The following TENM3 variants were observed in gnomAD, a reference collection of about 807,000 sequenced individuals.
TENM3 encodes the protein teneurin-3.
Under a neutral mutation model 255.1 loss-of-function variants are expected in TENM3, and 63 were observed. The observed-to-expected ratio is 0.25, with a 90% CI of 0.20 to 0.30. The LOEUF is 0.30. Ranked by LOEUF, TENM3 falls within the 10% of genes least tolerant of loss-of-function variation. The pLI is 1.00. For synonymous variants in TENM3, 1,306 were observed against 1,322.3 expected (o/e 0.99, Z 0.27); for missense variants, 2,929 against 3,461.1 (o/e 0.85, Z 3.86).
At chr4:182,339,628 G>A (rs756643385) in intron 2 of TENM3, among the ~76,000 whole-genome samples, 2 of 152,112 alleles carry the variant, frequency 1.3e-5, no homozygotes, top group Non-Finnish European at 2.9e-5. Flanking sequence ...GATGTGTTGA[G>A]CCCCAGCTTA....
the TENM3 span, among the ~76,000 whole-genome samples, chr4:181,619,059 G>A: frequency 5.6e-4 from 86 of 152,278 alleles, no homozygotes; most frequent in African/African-American, 1.9e-3. Context: ...CCAATGGGAG[G>A]CCAGCAGAGA....
the TENM3 span, among the ~76,000 whole-genome samples, chr4:182,082,490 C>A: frequency 6.6e-6 from 1 of 152,192 alleles, no homozygotes; most frequent in Admixed American, 6.5e-5. Flanking sequence ...AACACACATA[C>A]AATATTGAAA....
At chr4:181,508,750 G>T in the TENM3 span, among the ~76,000 whole-genome samples, 1 of 151,956 alleles carries the variant, frequency 6.6e-6, no homozygotes, top group Non-Finnish European at 1.5e-5. Flanking sequence ...AATGTAGCTT[G>T]GTCTATTTTC....
chr4:182,386,696 C>T (rs1057382901), intron 3 of TENM3, among the ~76,000 whole-genome samples: 2 of 152,230 alleles, frequency 1.3e-5, no homozygotes, highest in African/African-American at 4.8e-5. Flanking sequence ...AGCACCCAGG[C>T]CAGCGGCTGC....
chr4:181,716,525 T>A, the TENM3 span, among the ~76,000 whole-genome samples: 3 of 152,160 alleles, frequency 2.0e-5, no homozygotes, highest in African/African-American at 7.2e-5. Context: ...TAGTTGCACG[T>A]AAATAAGACT....
intron 1 of TENM3, among the ~76,000 whole-genome samples, chr4:182,167,421 A>C (rs1751793350): frequency 6.6e-6 from 1 of 152,214 alleles, no homozygotes; most frequent in Admixed American, 6.5e-5. Context: ...TACATATGAA[A>C]TGCCTTGCTT....
the TENM3 span, among the ~76,000 whole-genome samples, chr4:181,725,961 T>G: frequency 6.6e-6 from 1 of 152,134 alleles, no homozygotes; most frequent in African/African-American, 2.4e-5. Context: ...TATCTTTGCC[T>G]GCCGTTCAAA....
the TENM3 span, among the ~76,000 whole-genome samples, chr4:181,709,239 A>ACCTGCTACAGGTATTGTTTTG: frequency 1.3e-5 from 2 of 152,158 alleles, no homozygotes; most frequent in South Asian, 2.1e-4. Flanking sequence ...GTATTGTTTT[A>ACCTGCTACAGGTATTGTTTTG]CCTGCTACAG....
intron 1 of TENM3, among the ~76,000 whole-genome samples, chr4:182,214,810 A>T (rs567953764): frequency 6.6e-6 from 1 of 152,370 alleles, no homozygotes; most frequent in East Asian, 1.9e-4. Context: ...TCTTAACATC[A>T]TAATGCTTAT....
the TENM3 span, among the ~76,000 whole-genome samples, chr4:181,719,063 G>A: frequency 5.3e-5 from 8 of 151,074 alleles, no homozygotes; most frequent in Admixed American, 1.3e-4. Flanking sequence ...AAAATTAGCC[G>A]GGCGCGGTGG....
chr4:181,842,184 A>G, the TENM3 span, among the ~76,000 whole-genome samples: 1 of 152,344 alleles, frequency 6.6e-6, no homozygotes, highest in South Asian at 2.1e-4. Flanking sequence ...CAAATAATAG[A>G]TAAGACGCTT....
chr4:181,883,538 G>A, the TENM3 span, among the ~76,000 whole-genome samples: 2 of 152,104 alleles, frequency 1.3e-5, no homozygotes, highest in African/African-American at 4.8e-5. Context: ...GCTGTGGTGC[G>A]ATCTCGGCTC....
intron 12 of TENM3, among the ~76,000 whole-genome samples, chr4:182,704,526 G>T (rs111821812): frequency 9.8e-5 from 15 of 152,304 alleles, no homozygotes; most frequent in African/African-American, 3.6e-4. Context: ...CTCTTCCATA[G>T]AATCTGGATT....
chr4:181,873,155 A>G, the TENM3 span, among the ~76,000 whole-genome samples: 1 of 151,490 alleles, frequency 6.6e-6, no homozygotes, highest in South Asian at 2.1e-4. Flanking sequence ...GCAACCTCCA[A>G]CTCCCGGGTT....
At chr4:182,601,356 C>T (rs1747836169) in intron 4 of TENM3, among the ~76,000 whole-genome samples, 195 bp downstream of exon 4, 2 of 152,082 alleles carry the variant, frequency 1.3e-5, no homozygotes, top group South Asian at 4.1e-4. Flanking sequence ...ATTCTTTTCA[C>T]ACAGTTTGTT....
chr4:181,670,665 A>T, the TENM3 span, among the ~76,000 whole-genome samples: 9 of 152,210 alleles, frequency 5.9e-5, no homozygotes, highest in Non-Finnish European at 2.9e-5. Context: ...GTATTACATC[A>T]GCAAGTAGCA....
At chr4:182,121,754 T>C in the TENM3 span, among the ~76,000 whole-genome samples, 5 of 152,224 alleles carry the variant, frequency 3.3e-5, no homozygotes, top group Non-Finnish European at 7.3e-5. Flanking sequence ...TCATGGCTAC[T>C]GATTAACCAG....
At chr4:182,447,208 G>T (rs1001691313) in intron 3 of TENM3, among the ~76,000 whole-genome samples, 8 of 152,006 alleles carry the variant, frequency 5.3e-5, no homozygotes, top group Admixed American at 1.3e-4. Flanking sequence ...TAGACAGGCT[G>T]GTTGTGACGT....
At chr4:182,122,969 T>C in the TENM3 span, among the ~76,000 whole-genome samples, 1 of 152,234 alleles carries the variant, frequency 6.6e-6, no homozygotes, top group Non-Finnish European at 1.5e-5. Context: ...CTGTTTCACC[T>C]GGTACTTCTA....
Sources: gnomAD v4.1 joint callset for allele counts (sites outside exome capture counted in the v4.1 genomes callset) on GRCh38, gnomAD v4.1.1 for gene constraint, MANE v1.5 for transcripts, NCBI Gene and HGNC (gene_info 2026-07-23, HGNC 2026-07-21) for gene names.